The following DKKL1 variants were observed in gnomAD, a reference collection of about 807,000 sequenced individuals.
DKKL1 encodes dickkopf-like protein 1.
Under a neutral mutation model 16.5 loss-of-function variants are expected in DKKL1, and 11 were observed. The ratio of observed to expected loss-of-function variants is 0.67; its 90% CI spans 0.42 to 1.10. DKKL1 has a LOEUF of 1.10. Ranked by LOEUF, DKKL1 falls within the 50% of genes least tolerant of loss-of-function variation. DKKL1 has a pLI of 0.00. For synonymous variants in DKKL1, 119 were observed against 133.2 expected (o/e 0.89, Z 0.73); for missense variants, 320 against 308.1 (o/e 1.04, Z -0.29).
intron 4 of DKKL1, among the ~76,000 whole-genome samples, chr19:49,367,036 GT>G (rs1053541898): frequency 1.4e-5 from 2 of 145,522 alleles, no homozygotes; most frequent in African/African-American, 2.5e-5. Flanking sequence ...TTCTTTTTTT[GT>G]TTTTTTTGAG....
intron 4 of DKKL1, among the ~76,000 whole-genome samples, chr19:49,371,713 T>G (rs550805909): frequency 9.9e-4 from 151 of 152,304 alleles, no homozygotes; most frequent in Non-Finnish European, 1.8e-3. Flanking sequence ...TGGTTTGCTG[T>G]ACCCATCAGC....
intron 1 of DKKL1, 128 bp from the exon 2 acceptor site, chr19:49,364,454 T>G (rs1600829397): frequency 5.9e-6 from 4 of 682,732 alleles, no homozygotes; most frequent in African/African-American, 1.9e-5. Context: ...AAAGAAGCAG[T>G]GGGGGAAATG....
At chr19:49,367,043 T>C (rs1396563465) in intron 4 of DKKL1, among the ~76,000 whole-genome samples, 3 of 151,368 alleles carry the variant, frequency 2.0e-5, no homozygotes, top group African/African-American at 7.3e-5. Context: ...TTTGTTTTTT[T>C]TGAGATGGAG....
At position 49,365,880 on chromosome 19, in the gene DKKL1, T is replaced by G. The variant is rs775980730; in HGVS notation, c.412T>G (p.Leu138Val). ...QPAEGSFEGD[L>V]KVPRMEEKEA... Reference sequence around the variant, plus strand: ...AGCGGAGGGGAGCTTCGAGGGTGATTTGAAGGTTAGGACGTGCCCCGCCGT... The same window carrying G: ...AGCGGAGGGGAGCTTCGAGGGTGATGTGAAGGTTAGGACGTGCCCCGCCGT... The change falls in exon 4 of 5, where the codon TTG (leucine) becomes GTG (valine). Residue 138 changes from leucine (L) to valine (V), a missense_variant. By Grantham distance (32) the Leu-to-Val change is conservative (BLOSUM62 1). Transcript: ENST00000221498. 6.2e-7 allele frequency: 1 copy of G among 1,613,964 alleles called. No individual in the cohort carries two copies. The highest frequency in any genetic ancestry group is 1.1e-5 in the South Asian group (1 of 91,038).
intron 4 of DKKL1, among the ~76,000 whole-genome samples, chr19:49,366,379 G>A (rs1973250758): frequency 6.6e-6 from 1 of 151,976 alleles, no homozygotes; most frequent in Non-Finnish European, 1.5e-5. Context: ...TTTGACCTCA[G>A]AATACATCTG....
intron 4 of DKKL1, among the ~76,000 whole-genome samples, chr19:49,367,731 A>T (rs1973311843): frequency 6.6e-6 from 1 of 152,178 alleles, no homozygotes; most frequent in African/African-American, 2.4e-5. Flanking sequence ...AACTTCTACA[A>T]GTGATTCTAA....
rs181053381 is a variant in DKKL1 at position 49,368,325 on chromosome 19, A to G, written c.417+2440A>G. 7.0e-3 allele frequency among the ~76,000 whole-genome samples: 1,055 copies of G among 151,538 alleles called. 21 individuals are homozygous for G. The highest frequency in any genetic ancestry group is 0.041 in the Middle Eastern group (12 of 294). On this transcript the variant is annotated intron_variant, in intron 4 of 4. Coordinates refer to ENST00000221498, the MANE Select transcript of DKKL1 (RefSeq NM_014419.4). ...GAGACTCTGTCTCCAAAAAAAAAAAAAAAATCAAAAAAGTAGCCAGGTGTG... is the reference window on the plus strand; with the variant it reads ...GAGACTCTGTCTCCAAAAAAAAAAAGAAAATCAAAAAAGTAGCCAGGTGTG...
At chr19:49,366,314 A>G (rs1287524579) in intron 4 of DKKL1, among the ~76,000 whole-genome samples, 1 of 152,154 alleles carries the variant, frequency 6.6e-6, no homozygotes, top group Non-Finnish European at 1.5e-5. Context: ...CCTCCTTCTG[A>G]GCCTCAGTTT....
At chr19:49,363,858 G>C, upstream of DKKL1, 2 of 1,242,766 alleles carry the variant, frequency 1.6e-6, no homozygotes, top group Non-Finnish European at 2.3e-6. Flanking sequence ...CTCGCGGAGC[G>C]CAACCAACGC....
rs1973676316 is a variant in DKKL1, at chr19:49,375,070, C to T, written c.*42C>T. On this transcript the variant is annotated 3_prime_UTR_variant, in exon 5 of 5. Transcript: ENST00000221498. ...GCACCTGCCTGTAGCCCCCATCAGA[C>T]CCTGCCCCAAGCACCATATGGAAAT... The T allele has an allele frequency of 1.3e-6, 2 of 1,543,282 alleles. No homozygotes were observed. The highest frequency in any genetic ancestry group is 1.4e-5 in the African/African-American group (1 of 72,928).
intron 4 of DKKL1, among the ~76,000 whole-genome samples, chr19:49,367,550 G>C (rs1186772203): frequency 6.6e-6 from 1 of 151,894 alleles, no homozygotes; most frequent in Non-Finnish European, 1.5e-5. Flanking sequence ...GGGATTACAG[G>C]TGACTGCCAC....
chr19:49,368,726 CT>C (rs914149206), intron 4 of DKKL1: 8 of 152,026 alleles, frequency 5.3e-5, no homozygotes, highest in African/African-American at 9.7e-5. Flanking sequence ...TTTTAATTAA[CT>C]TTTTTTAAGC....
chr19:49,372,856 C>T (rs1973556804), intron 4 of DKKL1, among the ~76,000 whole-genome samples: 1 of 150,330 alleles, frequency 6.7e-6, no homozygotes, highest in South Asian at 2.1e-4. Context: ...ACAAAATTAG[C>T]CGGGCATGGT....
chr19:49,360,950 G>C (rs922203129), upstream of DKKL1, among the ~76,000 whole-genome samples: 1 of 118,544 alleles, frequency 8.4e-6, no homozygotes, highest in Non-Finnish European at 1.7e-5. Context: ...GGGGGGGACA[G>C]AGACCAGTGA....
chr19:49,362,219 A>T (rs1488845854), upstream of DKKL1: 1 of 152,576 alleles, frequency 6.6e-6, no homozygotes, highest in Non-Finnish European at 1.5e-5. Flanking sequence ...AGGCTCGGTC[A>T]CGGGAGCAAA....
chr19:49,366,942 A>G (rs112542728), intron 4 of DKKL1, among the ~76,000 whole-genome samples: 34 of 151,986 alleles, frequency 2.2e-4, no homozygotes, highest in Admixed American at 9.8e-4. Flanking sequence ...TCCTGAGCTC[A>G]GGCAATCCGC....
Position 49,364,740 on chromosome 19 carries a change from C to T in DKKL1, c.169C>T (p.Arg57Ter), listed in dbSNP as rs199831575. The change falls in exon 2 of 5, where the codon CGA (arginine) becomes TGA (stop). Residue 57 changes from arginine to a stop codon, truncating the protein, a stop_gained. Transcript: ENST00000221498. LOFTEE classifies it high-confidence loss of function. ...GLQSLLQGFS[R>*]LFLKGNLLRG... ...CCAGAGCCTACTCCAAGGCTTCAGCCGACTTTTCCTGAAAGTAAGCGATGG... is the reference window on the plus strand; with the variant it reads ...CCAGAGCCTACTCCAAGGCTTCAGCTGACTTTTCCTGAAAGTAAGCGATGG... The T allele has an allele frequency of 2.5e-6, 4 of 1,612,064 alleles. No homozygotes were observed. The highest frequency in any genetic ancestry group is 3.4e-6 in the Non-Finnish European group (4 of 1,179,286).
At chr19:49,364,805 G>A (rs1973188363) in intron 2 of DKKL1, 51 bp downstream of exon 2, 1 of 1,582,268 alleles carries the variant, frequency 6.3e-7, no homozygotes. Context: ...GAGGTTCAGG[G>A]ACACAGAGTG....
At chr19:49,370,690 C>A (rs1973445797) in intron 4 of DKKL1, 1 of 152,170 alleles carries the variant, frequency 6.6e-6, no homozygotes, top group Non-Finnish European at 1.5e-5. Flanking sequence ...GGAAAAAGTT[C>A]CCATAGATAA....
Sources: gnomAD v4.1 joint callset for allele counts (sites outside exome capture counted in the v4.1 genomes callset) on GRCh38, gnomAD v4.1.1 for gene constraint, MANE v1.5 for transcripts, NCBI Gene and HGNC (gene_info 2026-07-23, HGNC 2026-07-21) for gene names.